The following HERC1 variants were observed in gnomAD, a reference collection of about 807,000 sequenced individuals.
HERC1 encodes the protein probable E3 ubiquitin-protein ligase HERC1.
HERC1 carries 160 observed loss-of-function variants against 554.3 expected under a neutral mutation model. That is an observed-to-expected ratio of 0.29 (90% CI 0.25 to 0.33). HERC1 has a LOEUF of 0.33. Ranked by LOEUF, HERC1 falls within the 10% of genes least tolerant of loss-of-function variation. The pLI, the probability that HERC1 is intolerant of heterozygous loss-of-function variation, is 1.00. For missense variants in HERC1, 4,919 were observed against 5,918.5 expected (o/e 0.83, Z 5.54); for synonymous variants, 2,175 against 2,131.7 (o/e 1.02, Z -0.56).
chr15:63,656,066 A>G (rs2070018186), intron 49 of HERC1, 22 bp downstream of exon 49: 1 of 1,607,138 alleles, frequency 6.2e-7, no homozygotes, highest in Non-Finnish European at 8.5e-7. Context: ...TGTAACGGGG[A>G]AAAGTACTGA....
rs778597072 is a variant in HERC1 at position 63,674,560 on chromosome 15, T to C, written c.7628A>G (p.His2543Arg). ...LIPKVLAENG[H>R]NSDCASSPVV... The stretch of plus-strand genomic sequence containing the variant: ...TGGAGAACTTGCACAGTCTGAGTTG[T>C]GGCCATTTTCAGCCAGAACTTTTGG... The change falls in exon 38 of 78, where the codon CAC becomes CGC. Residue 2543 changes from histidine to arginine, a missense_variant. This residue lies in a region of HERC1 where 1,963 missense variants were observed against 2,228.6 expected (regional missense o/e 0.88). Coordinates refer to ENST00000443617, the MANE Select transcript of HERC1 (RefSeq NM_003922.4). The C allele has an allele frequency of 6.2e-7, 1 of 1,612,636 alleles. No homozygotes were observed. The highest frequency in any genetic ancestry group is 8.5e-7 in the Non-Finnish European group (1 of 1,179,278).
At position 63,694,608 on chromosome 15, in the gene HERC1, A is replaced by G. The variant is rs1273154205; in HGVS notation, c.5243-59T>C. 2 of 1,488,048 alleles carry G rather than the reference A, an allele frequency of 1.3e-6. No homozygotes were observed. The highest frequency in any genetic ancestry group is 1.9e-6 in the Non-Finnish European group (2 of 1,081,030). The allele number at this position is 1,488,048 out of a possible 1,614,324, so 92.2% of individuals were successfully genotyped here. A position where few individuals can be genotyped will look rare whatever the true frequency, so the allele number is the denominator to read the frequency against. On this transcript the variant is annotated intron_variant, in intron 28 of 77. Transcript: ENST00000443617. This position sits in a 1 kb window ranked among gnomAD's most constrained non-coding sequence, Gnocchi z 4.3. ...TTCAGTAAACAAAGCATTTATTAAAATGAATAATTTTCTAAAATATTAATA... is the reference window on the plus strand; with the variant it reads ...TTCAGTAAACAAAGCATTTATTAAAGTGAATAATTTTCTAAAATATTAATA...
rs760456325 is a variant in HERC1 at position 63,665,992 on chromosome 15, G to T, written c.8482C>A (p.Pro2828Thr). The T allele has an allele frequency of 8.1e-6, 13 of 1,613,908 alleles. No individual in the cohort carries two copies. Among genetic ancestry groups the T allele is most frequent in the Non-Finnish European group, 1.0e-5 (12 of 1,179,890 alleles). The change falls in exon 42 of 78, where the codon CCC becomes ACC. Residue 2828 changes from proline to threonine, a missense_variant. Around this residue, in one of 11 missense-constraint regions of HERC1, gnomAD observed 1,963 missense variants for 2,228.6 expected, o/e 0.88. Coordinates refer to ENST00000443617, the MANE Select transcript of HERC1 (RefSeq NM_003922.4). ...VLGSGGKSND[P>T]CYLQSPGDIP... ...TCTCCAGGTGACTGCAAATAACAGG[G>T]ATCATTTGACTTCCCGCCACTGCCT...
At chr15:63,751,856 C>G (rs1196332055) in intron 8 of HERC1, among the ~76,000 whole-genome samples, 1 of 151,956 alleles carries the variant, frequency 6.6e-6, no homozygotes, top group Non-Finnish European at 1.5e-5. Context: ...ACTATTATTA[C>G]TACCACTACC....
intron 12 of HERC1, among the ~76,000 whole-genome samples, chr15:63,744,164 G>GTGTGTGTCTC: frequency 1.7e-3 from 78 of 46,276 alleles, no homozygotes; most frequent in Non-Finnish European, 2.8e-3. Context: ...GTGTGTGTGT[G>GTGTGTGTCTC]TCTCTCTCTC....
At position 63,656,092 on chromosome 15, in the gene HERC1, G is replaced by A; in HGVS notation, c.9866C>T (p.Thr3289Ile). ...AAAGTACTGAAAGTAGCTTACCTGT[G>A]TACACAACTGTACAAGCAGTTTGGC... ...SAAKLLVQLCTQNLISAATGV... is the reference protein window; with the variant it reads ...SAAKLLVQLCIQNLISAATGV... Residue 3289 changes from threonine to isoleucine, a missense_variant, in exon 49 of 78, where the codon ACA (threonine) becomes ATA (isoleucine). Around this residue, in one of 11 missense-constraint regions of HERC1, gnomAD observed 1,963 missense variants for 2,228.6 expected, o/e 0.88. Coordinates refer to ENST00000443617, the MANE Select transcript of HERC1 (RefSeq NM_003922.4). 1 of 1,612,498 alleles carries A rather than the reference G, an allele frequency of 6.2e-7. No homozygotes were observed. The highest frequency in any genetic ancestry group is 8.5e-7 in the Non-Finnish European group (1 of 1,179,100).
At chr15:63,738,278 G>A (rs1267343612) in intron 12 of HERC1, among the ~76,000 whole-genome samples, 1 of 152,132 alleles carries the variant, frequency 6.6e-6, no homozygotes, top group African/African-American at 2.4e-5. Context: ...CTAAGGAATT[G>A]TTGCAGGACA....
intron 38 of HERC1, 100 bp from the exon 39 acceptor site, chr15:63,672,794 T>A: frequency 1.3e-6 from 1 of 756,076 alleles, no homozygotes; most frequent in South Asian, 2.0e-5. Context: ...TAAAAGTTTC[T>A]AAATATATTT....
intron 1 of HERC1, among the ~76,000 whole-genome samples, chr15:63,790,176 TG>T (rs1164906943): frequency 6.6e-6 from 1 of 152,216 alleles, no homozygotes; most frequent in Non-Finnish European, 1.5e-5. Context: ...ACTCATCTCC[TG>T]GAACTCAGTA....
rs190923856 is a variant in HERC1 at position 63,779,302 on chromosome 15, T to C, written c.-26-3653A>G. Reference sequence around the variant, plus strand: ...AACCCAGACAATCAACTCCAAGAAATAGCCTAGAAAAACTATTATATTTCA... The same window carrying C: ...AACCCAGACAATCAACTCCAAGAAACAGCCTAGAAAAACTATTATATTTCA... On this transcript the variant is annotated intron_variant, in intron 1 of 77. Transcript: ENST00000443617. Among the ~76,000 whole-genome samples the C allele has an allele frequency of 3.3e-5, 5 of 152,028 alleles. No homozygotes were observed. The East Asian group carries it at 7.7e-4, about 23-fold the overall frequency.
At chr15:63,771,459 C>A (rs1401813429) in intron 2 of HERC1, among the ~76,000 whole-genome samples, 7 of 147,686 alleles carry the variant, frequency 4.7e-5, no homozygotes, top group Non-Finnish European at 1.0e-4. Context: ...TTGAGACAGT[C>A]TTGGTCTGTC....
chr15:63,613,090 G>T (rs1197985699), intron 76 of HERC1, among the ~76,000 whole-genome samples: 3 of 152,192 alleles, frequency 2.0e-5, no homozygotes, highest in African/African-American at 4.8e-5. Context: ...AAAATGGGAA[G>T]TCCTTCTTTA....
chr15:63,640,183 G>C lies in HERC1; in HGVS notation c.11870C>G (p.Pro3957Arg), dbSNP rs2068974296. ...AAATACAAGTTCATCCTCTGGAACA[G>C]GTTCTAGATCTGGAACGGTAAAAGA... ...PESFTVPDLE[P>R]VPEDELVFLM... The change falls in exon 61 of 78, where the codon CCT becomes CGT. Residue 3957 changes from proline to arginine, a missense_variant. By Grantham distance (103) the Pro-to-Arg change is moderately radical (BLOSUM62 -2). Around this residue, in one of 11 missense-constraint regions of HERC1, gnomAD observed 1,963 missense variants for 2,228.6 expected, o/e 0.88. Coordinates refer to ENST00000443617, the MANE Select transcript of HERC1 (RefSeq NM_003922.4). 1.2e-6 allele frequency: 2 copies of C among 1,613,856 alleles called. No individual in the cohort carries two copies. The highest frequency in any genetic ancestry group is 1.7e-6 in the Non-Finnish European group (2 of 1,179,790).
intron 34 of HERC1, among the ~76,000 whole-genome samples, chr15:63,684,645 C>T (rs954381807): frequency 6.6e-6 from 1 of 152,044 alleles, no homozygotes; most frequent in African/African-American, 2.4e-5. Context: ...ATGGAGGAGT[C>T]GGGAGGGCAT....
intron 42 of HERC1, 144 bp from the exon 43 acceptor site, chr15:63,664,738 C>T: frequency 1.5e-6 from 1 of 647,774 alleles, no homozygotes; most frequent in South Asian, 2.5e-5. Flanking sequence ...CATCTTTATC[C>T]CTTGAACAGT....
At position 63,694,753 on chromosome 15, in the gene HERC1, T is replaced by C. The variant is rs1261396642; in HGVS notation, c.5242+21A>G. On this transcript the variant is annotated intron_variant, in intron 28 of 77. Transcript: ENST00000443617. This position sits in a 1 kb window ranked among gnomAD's most constrained non-coding sequence, Gnocchi z 4.3. Reference sequence around the variant, plus strand: ...CTAAAATGTAACCTGCACTGTACATTTGCAGGAACCGTTTACTTACCAATG... The same window carrying C: ...CTAAAATGTAACCTGCACTGTACATCTGCAGGAACCGTTTACTTACCAATG... 2 of 1,613,918 alleles carry C rather than the reference T, an allele frequency of 1.2e-6. No homozygotes were observed. The highest frequency in any genetic ancestry group is 1.7e-6 in the Non-Finnish European group (2 of 1,179,804).
chr15:63,816,758 T>C (rs943400207), intron 1 of HERC1, among the ~76,000 whole-genome samples: 2 of 152,140 alleles, frequency 1.3e-5, no homozygotes, highest in Non-Finnish European at 2.9e-5. Context: ...GTCCTAAACA[T>C]ACAACTTACA....
intron 64 of HERC1, 128 bp downstream of exon 64, chr15:63,637,377 G>A (rs1399253877): frequency 7.9e-6 from 6 of 763,980 alleles, no homozygotes; most frequent in Non-Finnish European, 2.1e-6. Flanking sequence ...CCTAAATAAG[G>A]ATTTAAATGT....
intron 71 of HERC1, 76 bp downstream of exon 71, chr15:63,625,909 G>C: frequency 6.9e-7 from 1 of 1,458,012 alleles, no homozygotes; most frequent in Non-Finnish European, 9.4e-7. Flanking sequence ...AAAGGCCCTG[G>C]GGCCTGGCGA....
Sources: allele counts gnomAD v4.1 joint callset (sites outside exome capture counted in the v4.1 genomes callset), GRCh38; gene constraint gnomAD v4.1.1; regional missense constraint gnomAD v4.1.1; non-coding constraint Gnocchi (gnomAD v3.1); transcripts MANE v1.5; gene names NCBI Gene and HGNC (gene_info 2026-07-23, HGNC 2026-07-21).